Variants in KCNJ6 observed in about 807,000 individuals in gnomAD.
KCNJ6 encodes potassium inwardly rectifying channel subfamily J member 6.
KCNJ6 carries 9 observed loss-of-function variants against 34.2 expected under a neutral mutation model. That is an observed-to-expected ratio of 0.26 (90% CI 0.16 to 0.46). KCNJ6 has a LOEUF of 0.46. KCNJ6 is among the 20% of genes least tolerant of loss of function. KCNJ6 has a pLI of 1.00. For synonymous variants in KCNJ6, 196 were observed against 207.1 expected (o/e 0.95, Z 0.46); for missense variants, 236 against 531.3 (o/e 0.44, Z 5.46).
At chr21:37,877,048 G>C (rs900327196) in intron 1 of KCNJ6, among the ~76,000 whole-genome samples, 1 of 152,144 alleles carries the variant, frequency 6.6e-6, no homozygotes, top group Non-Finnish European at 1.5e-5. Flanking sequence ...CCCTTGAGTT[G>C]ATGTCGAATG....
intron 2 of KCNJ6, among the ~76,000 whole-genome samples, chr21:37,801,181 A>C (rs2055267490): frequency 6.6e-6 from 1 of 152,138 alleles, no homozygotes; most frequent in Non-Finnish European, 1.5e-5. Flanking sequence ...TTTTGGATAA[A>C]AGCACACCCC....
At chr21:37,866,210 C>T (rs977812364) in intron 1 of KCNJ6, among the ~76,000 whole-genome samples, 7 of 152,148 alleles carry the variant, frequency 4.6e-5, no homozygotes, top group Admixed American at 4.6e-4. Flanking sequence ...GAGCTCCTGC[C>T]TGCTGTTCTT....
At chr21:37,640,459 C>G (rs2054376068) in intron 3 of KCNJ6, among the ~76,000 whole-genome samples, 1 of 152,254 alleles carries the variant, frequency 6.6e-6, no homozygotes, top group South Asian at 2.1e-4. Flanking sequence ...CCTGAGGACA[C>G]CACTAGGGAT....
Position 37,818,975 on chromosome 21 carries a change from T to C in KCNJ6, c.25+21683A>G, listed in dbSNP as rs542570179. Among the ~76,000 whole-genome samples the C allele has an allele frequency of 2.1e-4, 32 of 152,212 alleles. No individual in the cohort carries two copies. The South Asian group carries it at 6.6e-3, about 32-fold the overall frequency. On this transcript the variant is annotated intron_variant, in intron 2 of 3. Transcript: ENST00000609713. ...AGGATAAAGCAGGTATGGGGTGAGCTAAAAAAATCAAGCCACAAGTATTTT... is the reference window on the plus strand; with the variant it reads ...AGGATAAAGCAGGTATGGGGTGAGCCAAAAAAATCAAGCCACAAGTATTTT...
At chr21:37,850,744 T>C (rs1313564961) in intron 1 of KCNJ6, among the ~76,000 whole-genome samples, 1 of 152,150 alleles carries the variant, frequency 6.6e-6, no homozygotes, top group Non-Finnish European at 1.5e-5. Context: ...CTTACGTTTG[T>C]CTAATGATGC....
rs143007762 is a variant in KCNJ6 at position 37,698,759 on chromosome 21, C to T, written c.946+15452G>A. On this transcript the variant is annotated intron_variant, in intron 3 of 3. Transcript: ENST00000609713. ...TCACCCAGGATGGAGTGCAGTGGCA[C>T]GATCTTGGCTTACTGTAATCTTTAC... Among the ~76,000 whole-genome samples, 653 of 151,632 alleles carry T rather than the reference C, an allele frequency of 4.3e-3. 5 individuals are homozygous for T. The highest frequency in any genetic ancestry group is 0.015 in the African/African-American group (613 of 41,340).
At chr21:37,666,043 G>A (rs2054512517) in intron 3 of KCNJ6, among the ~76,000 whole-genome samples, 3 of 152,196 alleles carry the variant, frequency 2.0e-5, no homozygotes, top group Admixed American at 2.0e-4. Flanking sequence ...CAGCCACCCT[G>A]AAACCTGAAA....
chr21:37,848,017 A>T (rs2055518495), intron 1 of KCNJ6, among the ~76,000 whole-genome samples: 1 of 152,204 alleles, frequency 6.6e-6, no homozygotes, highest in Non-Finnish European at 1.5e-5. Flanking sequence ...CAGGGGGACC[A>T]AGGCTTGGTG....
At chr21:37,776,750 C>T (rs1403908848) in intron 2 of KCNJ6, among the ~76,000 whole-genome samples, 1 of 152,114 alleles carries the variant, frequency 6.6e-6, no homozygotes, top group Non-Finnish European at 1.5e-5. Context: ...TTTGGTTTGC[C>T]AGTATTTTAT....
At chr21:37,856,088 C>T (rs1372785700) in intron 1 of KCNJ6, among the ~76,000 whole-genome samples, 1 of 152,152 alleles carries the variant, frequency 6.6e-6, no homozygotes, top group Non-Finnish European at 1.5e-5. Context: ...TTGCATTTTC[C>T]ATCACTCAGA....
intron 2 of KCNJ6, among the ~76,000 whole-genome samples, chr21:37,786,058 C>G (rs1001404769): frequency 3.3e-5 from 5 of 152,212 alleles, no homozygotes; most frequent in African/African-American, 7.2e-5. Flanking sequence ...GTTATGGCAG[C>G]CTGATTGGGC....
At chr21:37,677,462 C>T (rs1202761211) in intron 3 of KCNJ6, among the ~76,000 whole-genome samples, 2 of 152,156 alleles carry the variant, frequency 1.3e-5, no homozygotes, top group Non-Finnish European at 2.9e-5. Context: ...GAAATACTAA[C>T]GAGTGCTTTT....
intron 1 of KCNJ6, among the ~76,000 whole-genome samples, chr21:37,856,130 G>A (rs1457648672): frequency 2.0e-5 from 3 of 152,182 alleles, no homozygotes; most frequent in African/African-American, 4.8e-5. Flanking sequence ...GGGTGGGGAA[G>A]GGGAGGGAAG....
intron 2 of KCNJ6, among the ~76,000 whole-genome samples, chr21:37,720,702 C>CTTTTTT (rs3061017): frequency 7.7e-6 from 1 of 129,530 alleles, no homozygotes. Context: ...ATTTTCTTTT[C>CTTTTTT]TTTTTTTTTT....
At chr21:37,827,123 T>A (rs929622860) in intron 2 of KCNJ6, among the ~76,000 whole-genome samples, 1 of 152,146 alleles carries the variant, frequency 6.6e-6, no homozygotes, top group Non-Finnish European at 1.5e-5. Flanking sequence ...AAGAAAAATA[T>A]CCCTAGCAAC....
chr21:37,888,027 G>GGTGGGATGAGATGCC (rs1362634493), intron 1 of KCNJ6, among the ~76,000 whole-genome samples: 1 of 152,100 alleles, frequency 6.6e-6, no homozygotes, highest in African/African-American at 2.4e-5. Flanking sequence ...GTGTAGGGAA[G>GGTGGGATGAGATGCC]GTGGGATGAG....
chr21:37,665,667 A>G lies in KCNJ6; in HGVS notation c.947-40183T>C, dbSNP rs1042901178. ...AGTGGACAAGGAAGGGAGGAACAAG[A>G]CTAAAATACAGTTTTAGGTCGACCA... On this transcript the variant is annotated intron_variant, in intron 3 of 3. Coordinates refer to ENST00000609713, the MANE Select transcript of KCNJ6 (RefSeq NM_002240.5). 5.1e-4 allele frequency among the ~76,000 whole-genome samples: 77 copies of G among 152,190 alleles called. 1 individual carries two copies. Among genetic ancestry groups the G allele is most frequent in the African/African-American group, 1.7e-3 (72 of 41,442 alleles).
chr21:37,872,140 G>T lies in KCNJ6; in HGVS notation c.-27-31431C>A, dbSNP rs557812495. 6.6e-5 allele frequency among the ~76,000 whole-genome samples: 10 copies of T among 152,216 alleles called. No individual in the cohort carries two copies. In the South Asian group the frequency reaches 1.7e-3, roughly 25 times the overall value. ...GAGCTACTCTGGTCCATCAACACAG[G>T]GCAAGGCAGAAAAACAAGGCTGTCC... On this transcript the variant is annotated intron_variant, in intron 1 of 3. Coordinates refer to ENST00000609713, the MANE Select transcript of KCNJ6 (RefSeq NM_002240.5).
intron 1 of KCNJ6, among the ~76,000 whole-genome samples, chr21:37,896,807 C>T (rs1231115239): frequency 3.9e-5 from 6 of 152,248 alleles, no homozygotes; most frequent in Admixed American, 1.3e-4. Context: ...CCAGAGGCAG[C>T]GGAGGACCCC....
Sources: allele counts gnomAD v4.1 joint callset (sites outside exome capture counted in the v4.1 genomes callset), GRCh38; gene constraint gnomAD v4.1.1; transcripts MANE v1.5; gene names NCBI Gene and HGNC (gene_info 2026-07-23, HGNC 2026-07-21).